Variants in SH3BP4 observed in about 807,000 individuals in gnomAD.
The protein encoded by SH3BP4 is SH3 domain-binding protein 4.
A neutral mutation model predicts 65.5 loss-of-function variants in SH3BP4; 33 were observed. That is an observed-to-expected ratio of 0.50 (90% CI 0.38 to 0.67). SH3BP4 has a LOEUF of 0.67. Among genes scored for constraint, SH3BP4 ranks in the 30% least tolerant of loss-of-function variants. The pLI is 0.00. For synonymous variants in SH3BP4, 552 were observed against 545.5 expected, an observed-to-expected ratio of 1.01 and a Z score of -0.17; for missense variants, 1,134 against 1,261.4, an observed-to-expected ratio of 0.90 and a Z score of 1.53.
intron 1 of SH3BP4, among the ~76,000 whole-genome samples, chr2:234,964,943 C>A (rs1574775105): frequency 1.3e-5 from 2 of 152,144 alleles, no homozygotes; most frequent in African/African-American, 4.8e-5. Flanking sequence ...CTGTTCCAGA[C>A]CCCCATCTTC....
At chr2:235,047,793 C>T (rs1308336377) in intron 4 of SH3BP4, among the ~76,000 whole-genome samples, 3 of 152,168 alleles carry the variant, frequency 2.0e-5, no homozygotes, top group Admixed American at 6.5e-5. Flanking sequence ...CTGGAGCCGT[C>T]GGTGATGGCT....
In SH3BP4 at chr2:235,034,684, A is replaced by G. The variant is rs1248271210; in HGVS notation, c.-132-187A>G. 3.9e-5 allele frequency among the ~76,000 whole-genome samples: 6 copies of G among 152,108 alleles called. No individual in the cohort carries two copies. The highest frequency in any genetic ancestry group is 1.5e-4 in the African/African-American group (6 of 41,360). Reference sequence around the variant, plus strand: ...TGTGTGCCCAGTGTGCCAATGAGACAAGCACAAAGTGGGCACAGAGGCCAA... The same window carrying G: ...TGTGTGCCCAGTGTGCCAATGAGACGAGCACAAAGTGGGCACAGAGGCCAA... On this transcript the variant is annotated intron_variant, in intron 2 of 5. Coordinates refer to ENST00000392011, the MANE Select transcript of SH3BP4 (RefSeq NM_014521.3). This position sits in a 1 kb window ranked among gnomAD's most constrained non-coding sequence, Gnocchi z 6.2.
intron 2 of SH3BP4, among the ~76,000 whole-genome samples, chr2:235,006,910 G>A (rs532789894): frequency 2.0e-5 from 3 of 151,994 alleles, no homozygotes; most frequent in Non-Finnish European, 2.9e-5. Flanking sequence ...AAGATTGGGG[G>A]TGCCACGCCG....
chr2:234,963,398 G>T (rs1377469265), intron 1 of SH3BP4, among the ~76,000 whole-genome samples: 1 of 152,172 alleles, frequency 6.6e-6, no homozygotes, highest in East Asian at 1.9e-4. Context: ...AAAAGGGAGT[G>T]ACGTTGGGAA....
rs1347246546 is a variant in SH3BP4 at position 234,976,121 on chromosome 2, C to A, written c.-206-19182C>A. Reference sequence around the variant, plus strand: ...TGTGTGTGGTTGTATCTTCTAGGGACAGGGGCCCTGGCTTTCATCTAGTGA... The same window carrying A: ...TGTGTGTGGTTGTATCTTCTAGGGAAAGGGGCCCTGGCTTTCATCTAGTGA... On this transcript the variant is annotated intron_variant, in intron 1 of 5. Transcript: ENST00000392011. This position sits in a 1 kb window ranked among gnomAD's most constrained non-coding sequence, Gnocchi z 4.7. 6.6e-6 allele frequency among the ~76,000 whole-genome samples: 1 copy of A among 152,112 alleles called. No homozygotes were observed. The highest frequency in any genetic ancestry group is 1.5e-5 in the Non-Finnish European group (1 of 68,032).
intron 3 of SH3BP4, among the ~76,000 whole-genome samples, chr2:235,039,755 A>G (rs1695577067): frequency 6.6e-6 from 1 of 152,198 alleles, no homozygotes; most frequent in African/African-American, 2.4e-5. Context: ...TGCCGTCTAC[A>G]TTGGTAACAT....
chr2:234,961,051 C>G (rs1692695844), intron 1 of SH3BP4, among the ~76,000 whole-genome samples: 2 of 152,188 alleles, frequency 1.3e-5, no homozygotes. Flanking sequence ...CAGGGGGTGT[C>G]TGAGCCCCAC....
intron 2 of SH3BP4, among the ~76,000 whole-genome samples, chr2:235,019,273 A>G (rs369341948): frequency 2.0e-5 from 3 of 152,088 alleles, no homozygotes; most frequent in African/African-American, 7.2e-5. Flanking sequence ...GTGATGGTGC[A>G]CACAGCCGGG....
intron 1 of SH3BP4, chr2:234,981,624 C>G (rs1487119639): frequency 6.6e-6 from 1 of 152,204 alleles, no homozygotes; most frequent in Non-Finnish European, 1.5e-5. Flanking sequence ...GCCATTCAGT[C>G]GCAGTTGGCT....
At chr2:234,970,646 G>A (rs574579798) in intron 1 of SH3BP4, among the ~76,000 whole-genome samples, 1 of 152,326 alleles carries the variant, frequency 6.6e-6, no homozygotes, top group African/African-American at 2.4e-5. Flanking sequence ...TTCCTGGAGC[G>A]CCTTCCCTCG....
chr2:234,973,103 C>T (rs1400427403), intron 1 of SH3BP4, among the ~76,000 whole-genome samples: 1 of 152,160 alleles, frequency 6.6e-6, no homozygotes, highest in Non-Finnish European at 1.5e-5. Flanking sequence ...AATTAAAAAT[C>T]ACCCGACTTC....
At chr2:235,051,351 C>T (rs1696047173) in intron 4 of SH3BP4, among the ~76,000 whole-genome samples, 1 of 152,144 alleles carries the variant, frequency 6.6e-6, no homozygotes, top group African/African-American at 2.4e-5. Context: ...TGAGTTTGAC[C>T]CCAGCCTGGG....
chr2:234,954,888 C>T (rs1692553069), intron 1 of SH3BP4, among the ~76,000 whole-genome samples: 1 of 152,110 alleles, frequency 6.6e-6, no homozygotes, highest in Non-Finnish European at 1.5e-5. Context: ...CAGAGTGCGG[C>T]CCTGGCAGAC....
intron 1 of SH3BP4, among the ~76,000 whole-genome samples, chr2:234,975,980 T>C (rs973343194): frequency 3.3e-5 from 5 of 152,356 alleles, no homozygotes; most frequent in African/African-American, 1.2e-4. Context: ...AAAGAAGCTA[T>C]TTCTTTTCTC....
rs1334326821 is a variant in SH3BP4 at position 234,952,360 on chromosome 2, C to T, written c.-207+190C>T. Among the ~76,000 whole-genome samples, 4 of 150,732 alleles carry T rather than the reference C, an allele frequency of 2.7e-5. No homozygotes were observed. Among genetic ancestry groups the T allele is most frequent in the Non-Finnish European group, 5.9e-5 (4 of 67,534 alleles). ...GCGTGGGGCGGCTTCGGGGAAGCCT[C>T]GCGCGCCCCTCGCCGCTCCCCCGGG... On this transcript the variant is annotated intron_variant, in intron 1 of 5. Transcript: ENST00000392011. This position sits in a 1 kb window ranked among gnomAD's most constrained non-coding sequence, Gnocchi z 6.5.
chr2:235,010,165 C>T (rs1203037582), intron 2 of SH3BP4, among the ~76,000 whole-genome samples: 1 of 152,156 alleles, frequency 6.6e-6, no homozygotes, highest in African/African-American at 2.4e-5. Context: ...GCCCCTATGG[C>T]TCCCACCCCA....
chr2:234,989,561 T>C (rs1693685055), intron 1 of SH3BP4, among the ~76,000 whole-genome samples: 1 of 152,152 alleles, frequency 6.6e-6, no homozygotes, highest in African/African-American at 2.4e-5. Context: ...TTGGCACACT[T>C]TTCTCTGTAA....
rs1695677628 is a variant in SH3BP4, at chr2:235,042,151, T to G, written c.1382T>G (p.Leu461Arg). ...GTCGTGGCCCATGGCCCAAGCATCC[T>G]CTACCCTTCCACCGTGTGGGACTTC... ...VAVVAHGPSI[L>R]YPSTVWDFIN... is the part of the protein sequence containing the mutation. The change falls in exon 4 of 6, where the codon CTC (leucine) becomes CGC (arginine). Residue 461 changes from leucine to arginine, a missense_variant. Transcript: ENST00000392011. The surrounding 1 kb of genome is among the most constrained non-coding windows in gnomAD (Gnocchi z 7.3). 6.2e-7 allele frequency: 1 copy of G among 1,613,916 alleles called. No homozygotes were observed. Among genetic ancestry groups the G allele is most frequent in the African/African-American group, 1.3e-5 (1 of 74,904 alleles).
chr2:234,980,656 C>T (rs1476591012), intron 1 of SH3BP4, among the ~76,000 whole-genome samples: 1 of 152,206 alleles, frequency 6.6e-6, no homozygotes, highest in African/African-American at 2.4e-5. Flanking sequence ...GCCAGTCCAG[C>T]TCCACTTCCC....
Sources: allele counts gnomAD v4.1 joint callset (sites outside exome capture counted in the v4.1 genomes callset), GRCh38; gene constraint gnomAD v4.1.1; non-coding constraint Gnocchi (gnomAD v3.1); transcripts MANE v1.5; gene names NCBI Gene and HGNC (gene_info 2026-07-23, HGNC 2026-07-21).